NBEAL2: variants seen among roughly 807,000 people sequenced by gnomAD.
The protein encoded by NBEAL2 is neurobeachin like 2.
A neutral mutation model predicts 299.8 loss-of-function variants in NBEAL2; 160 were observed. The ratio of observed to expected loss-of-function variants is 0.53; its 90% CI spans 0.47 to 0.61. The LOEUF (loss-of-function observed/expected upper bound fraction) is 0.61. Among genes scored for constraint, NBEAL2 ranks in the 20% least tolerant of loss-of-function variants. The pLI, the probability that NBEAL2 is intolerant of heterozygous loss-of-function variation, is 0.00. For missense variants in NBEAL2, 3,112 were observed against 3,649.0 expected (o/e 0.85, Z 3.79); for synonymous variants, 1,493 against 1,542.3 (o/e 0.97, Z 0.75).
In NBEAL2 at chr3:46,988,585, C is replaced by G; in HGVS notation, c.52-84C>G. On this transcript the variant is annotated intron_variant, in intron 1 of 53. Coordinates refer to ENST00000450053, the MANE Select transcript of NBEAL2 (RefSeq NM_015175.3). The surrounding 1 kb of genome is among the most constrained non-coding windows in gnomAD (Gnocchi z 4.4). Reference sequence around the variant, plus strand: ...CCTCTGTCCACCTCCATTCATTCTTCGCCTCTGTCTACATCCCCTTGTCCC... The same window carrying G: ...CCTCTGTCCACCTCCATTCATTCTTGGCCTCTGTCTACATCCCCTTGTCCC... 1 of 1,008,478 alleles carries G rather than the reference C, an allele frequency of 9.9e-7. No individual in the cohort carries two copies. Among genetic ancestry groups the G allele is most frequent in the Non-Finnish European group, 1.4e-6 (1 of 689,862 alleles). The allele number at this position is 1,008,478 out of a possible 1,614,324, so 62.5% of individuals were successfully genotyped here.
chr3:47,002,632 A>T lies in NBEAL2; in HGVS notation c.5302-13A>T, dbSNP rs11928558. 1,593,492 of 1,608,510 alleles carry T rather than the reference A, an allele frequency of 0.99. 790,373 individuals carry two copies. Among genetic ancestry groups the T allele is most frequent in the East Asian group, 1 (44,766 of 44,766 alleles). On this transcript the variant is annotated splice_polypyrimidine_tract_variant and intron_variant, in intron 32 of 53. Transcript: ENST00000450053. ...GCAGCAGCCAGGGGACTGACCTATTACCCCCACCCCAGGAGCTGGTGCTGG... is the reference window on the plus strand; with the variant it reads ...GCAGCAGCCAGGGGACTGACCTATTTCCCCCACCCCAGGAGCTGGTGCTGG...
Position 47,005,966 on chromosome 3 carries a change from A to G in NBEAL2, c.6822A>G (p.Ala2274=). ...CTCAGGAGTCGGAGTATGTGTCTGC[A>G]CACCTACACGAGTGGATCGACCTCA... ...RQALESEYVS[A]HLHEWIDLIF... is the part of the protein sequence containing the mutation. Residue 2274 remains alanine (A), a synonymous_variant, in exon 43 of 54, where the codon GCA becomes GCG. Transcript: ENST00000450053. The G allele has an allele frequency of 5.6e-6, 9 of 1,613,700 alleles. No homozygotes were observed. Among genetic ancestry groups the G allele is most frequent in the Non-Finnish European group, 7.6e-6 (9 of 1,179,886 alleles).
chr3:47,004,504 C>T lies in NBEAL2; in HGVS notation c.6208C>T (p.Gln2070Ter). 1 of 1,613,716 alleles carries T rather than the reference C, an allele frequency of 6.2e-7. No homozygotes were observed. Among genetic ancestry groups the T allele is most frequent in the Non-Finnish European group, 8.5e-7 (1 of 1,179,770 alleles). ...RASGLTQKWV[Q>*]REISNFEYLM... ...CTGCCCCTGTCCCCAGAAATGGGTA[C>T]AGCGTGAGATATCCAACTTCGAGTA... The change falls in exon 38 of 54, where the codon CAG (glutamine) becomes TAG (stop). Residue 2070 changes from glutamine (Q) to a stop codon, truncating the protein, a stop_gained. Transcript: ENST00000450053. LOFTEE classifies it high-confidence loss of function. This position sits in a 1 kb window ranked among gnomAD's most constrained non-coding sequence, Gnocchi z 5.0.
In NBEAL2 at chr3:47,007,810, A is replaced by G; in HGVS notation, c.7508-6A>G. 6.2e-7 allele frequency: 1 copy of G among 1,612,874 alleles called. No individual in the cohort carries two copies. The highest frequency in any genetic ancestry group is 8.5e-7 in the Non-Finnish European group (1 of 1,179,478). ...GTTCTGCCTGTACCCTCCCCTTCCC[A>G]TGCAGATGTAGTAACCTGCCTTGCA... On this transcript the variant is annotated splice_region_variant and splice_polypyrimidine_tract_variant and intron_variant, in intron 48 of 53. Transcript: ENST00000450053.
rs139580100 is a variant in NBEAL2, at chr3:47,006,094, C to T, written c.6919+31C>T. On this transcript the variant is annotated intron_variant, in intron 43 of 53. Transcript: ENST00000450053. ...CAGTGCGCTGGACTCCAGTCAGGGCCAGGACAAGATCAGGTCGGGTGGATG... is the reference window on the plus strand; with the variant it reads ...CAGTGCGCTGGACTCCAGTCAGGGCTAGGACAAGATCAGGTCGGGTGGATG... The T allele has an allele frequency of 5.6e-6, 9 of 1,612,876 alleles. No individual in the cohort carries two copies. The African/African-American group carries it at 6.7e-5, about 12-fold the overall frequency.
chr3:46,989,707 T>G lies in NBEAL2; in HGVS notation c.556+114T>G. On this transcript the variant is annotated intron_variant, in intron 6 of 53. Coordinates refer to ENST00000450053, the MANE Select transcript of NBEAL2 (RefSeq NM_015175.3). This position sits in a 1 kb window ranked among gnomAD's most constrained non-coding sequence, Gnocchi z 5.5. ...ACTTGGTGGTGGCTGCATGCAGGAC[T>G]GGGAGAACCAAAGACCAAGCAAGAG... 1 of 956,802 alleles carries G rather than the reference T, an allele frequency of 1.0e-6. No homozygotes were observed. The allele number at this position is 956,802 out of a possible 1,614,324, so 59.3% of individuals were successfully genotyped here. A position where few individuals can be genotyped will look rare whatever the true frequency, so the allele number is the denominator to read the frequency against.
rs2037374792 is a variant in NBEAL2, at chr3:47,005,615, G to A, written c.6687G>A (p.Gln2229=). The A allele has an allele frequency of 1.9e-6, 3 of 1,613,680 alleles. No individual in the cohort carries two copies. The African/African-American group carries it at 4.0e-5, about 22-fold the overall frequency. ...ACTTTCCTGACTTCCTGGAGAACCA[G>A]AACGGTAGGTGTGAGGTGCTCACAC... is the stretch of plus-strand genomic sequence containing the variant. ...FFYFPDFLEN[Q]NGFDLGCLQL... Residue 2229 remains glutamine, a synonymous_variant, in exon 41 of 54, where the codon CAG becomes CAA. Transcript: ENST00000450053.
rs962364463 is a variant in NBEAL2 at position 47,003,712 on chromosome 3, A to C, written c.5721-104A>C. On this transcript the variant is annotated intron_variant, in intron 35 of 53. Coordinates refer to ENST00000450053, the MANE Select transcript of NBEAL2 (RefSeq NM_015175.3). This position sits in a 1 kb window ranked among gnomAD's most constrained non-coding sequence, Gnocchi z 7.0. Reference sequence around the variant, plus strand: ...CAGCCCCTCCCCATCTCTGGGAGTCATGAGAGTATATACCCCATGACTCAA... The same window carrying C: ...CAGCCCCTCCCCATCTCTGGGAGTCCTGAGAGTATATACCCCATGACTCAA... 2.9e-6 allele frequency: 4 copies of C among 1,392,374 alleles called. No individual in the cohort carries two copies. Among genetic ancestry groups the C allele is most frequent in the Non-Finnish European group, 2.9e-6 (3 of 1,043,696 alleles). The allele number at this position is 1,392,374 out of a possible 1,614,324, so 86.3% of individuals were successfully genotyped here. A position where few individuals can be genotyped will look rare whatever the true frequency, so the allele number is the denominator to read the frequency against.
rs1261296234 is a variant in NBEAL2 at position 46,989,772 on chromosome 3, C to T, written c.556+179C>T. Among the ~76,000 whole-genome samples the T allele has an allele frequency of 6.6e-6, 1 of 152,026 alleles. No individual in the cohort carries two copies. The highest frequency in any genetic ancestry group is 2.4e-5 in the African/African-American group (1 of 41,372). Reference sequence around the variant, plus strand: ...CAAGAGAAGACATCTTGGGCTGGAGCGAGGGCCTCCCATCAGGTGGAGGGG... The same window carrying T: ...CAAGAGAAGACATCTTGGGCTGGAGTGAGGGCCTCCCATCAGGTGGAGGGG... On this transcript the variant is annotated intron_variant, in intron 6 of 53. Coordinates refer to ENST00000450053, the MANE Select transcript of NBEAL2 (RefSeq NM_015175.3). This position sits in a 1 kb window ranked among gnomAD's most constrained non-coding sequence, Gnocchi z 5.5.
chr3:46,999,397 G>A lies in NBEAL2; in HGVS notation c.3626G>A (p.Gly1209Asp). The change falls in exon 25 of 54, where the codon GGT becomes GAT. Residue 1209 changes from glycine (G) to aspartate (D), a missense_variant. Physicochemically the swap from Gly to Asp is moderately conservative, Grantham distance 94. This residue lies in a region of NBEAL2 where 2,243 missense variants were observed against 2,538.1 expected (regional missense o/e 0.88). Transcript: ENST00000450053. ...CGGCTGCGGGAGTGTGGTCTCCAGG[G>A]TCTGGTTGCCTGCTTGCCTGAGGGG... is the stretch of plus-strand genomic sequence containing the variant. ...RLRLRECGLQ[G>D]LVACLPEGTV... The A allele has an allele frequency of 6.2e-7, 1 of 1,602,994 alleles. No homozygotes were observed. The highest frequency in any genetic ancestry group is 8.5e-7 in the Non-Finnish European group (1 of 1,175,570).
In NBEAL2 at chr3:47,003,253, C is replaced by T. The variant is rs375399942; in HGVS notation, c.5664C>T (p.Pro1888=). ...AAGAGGCCAAAGTGAGCACCCCACC[C>T]GAGTTGCTGCAGGAGGACCAGCTCG... ...VTKEAKVSTP[P]ELLQEDQLGE... The change falls in exon 35 of 54, where the codon CCC becomes CCT. Residue 1888 remains proline (P), a synonymous_variant. Coordinates refer to ENST00000450053, the MANE Select transcript of NBEAL2 (RefSeq NM_015175.3). This position sits in a 1 kb window ranked among gnomAD's most constrained non-coding sequence, Gnocchi z 7.0. The T allele has an allele frequency of 5.4e-4, 874 of 1,613,214 alleles. 8 individuals carry two copies. The highest frequency in any genetic ancestry group is 1.6e-4 in the Middle Eastern group (1 of 6,062).
chr3:47,000,999 A>G lies in NBEAL2; in HGVS notation c.4306-2A>G, dbSNP rs2036935773. The G allele has an allele frequency of 1.2e-6, 2 of 1,602,836 alleles. No homozygotes were observed. Among genetic ancestry groups the G allele is most frequent in the Non-Finnish European group, 1.7e-6 (2 of 1,174,990 alleles). On this transcript the variant is annotated splice_acceptor_variant, in intron 27 of 53. Coordinates refer to ENST00000450053, the MANE Select transcript of NBEAL2 (RefSeq NM_015175.3). LOFTEE classifies it high-confidence loss of function. This position sits in a 1 kb window ranked among gnomAD's most constrained non-coding sequence, Gnocchi z 4.5. ...GCCCACACCACCCACCTGTGCCCACAGCAAACCTCTGAGGAAGAGTTGTGC... is the reference window on the plus strand; with the variant it reads ...GCCCACACCACCCACCTGTGCCCACGGCAAACCTCTGAGGAAGAGTTGTGC...
Position 46,999,366 on chromosome 3 carries a change from C to T in NBEAL2, c.3595C>T (p.Arg1199Cys), listed in dbSNP as rs758894363. ...GCGGCTACCTGAGCGGAGCCGCCAG[C>T]GCCTCCGGCTGCGGGAGTGTGGTCT... is the stretch of plus-strand genomic sequence containing the variant. The part of the protein sequence containing the change: ...NERLPERSRQ[R>C]LRLRECGLQG... The change falls in exon 25 of 54, where the codon CGC (arginine) becomes TGC (cysteine). Residue 1199 changes from arginine to cysteine, a missense_variant. Arg to Cys is a radical substitution (Grantham distance 180). This residue lies in a region of NBEAL2 where 2,243 missense variants were observed against 2,538.1 expected (regional missense o/e 0.88). Transcript: ENST00000450053. The T allele has an allele frequency of 9.9e-6, 16 of 1,610,402 alleles. No individual in the cohort carries two copies. Among genetic ancestry groups the T allele is most frequent in the African/African-American group, 4.0e-5 (3 of 74,846 alleles).
At chr3:46,987,139 A>T (rs2035724585) in intron 1 of NBEAL2, among the ~76,000 whole-genome samples, 1 of 152,144 alleles carries the variant, frequency 6.6e-6, no homozygotes, top group South Asian at 2.1e-4. Context: ...TTTTTTGGGG[A>T]TCTGGCTCAG....
Position 47,006,451 on chromosome 3 carries a change from T to A in NBEAL2, c.7134+2T>A. 6.4e-7 allele frequency: 1 copy of A among 1,569,830 alleles called. No homozygotes were observed. The highest frequency in any genetic ancestry group is 8.6e-7 in the Non-Finnish European group (1 of 1,156,934). Reference sequence around the variant, plus strand: ...GAACTCAAGGCATTCTTCGCAGAGGTGAAAGGAAGACAAGACCTCAACTTT... The same window carrying A: ...GAACTCAAGGCATTCTTCGCAGAGGAGAAAGGAAGACAAGACCTCAACTTT... On this transcript the variant is annotated splice_donor_variant, in intron 45 of 53. Coordinates refer to ENST00000450053, the MANE Select transcript of NBEAL2 (RefSeq NM_015175.3). LOFTEE classifies it high-confidence loss of function.
intron 14 of NBEAL2, 38 bp from the exon 15 acceptor site, chr3:46,995,894 A>C: frequency 1.2e-6 from 2 of 1,613,152 alleles, no homozygotes; most frequent in Non-Finnish European, 1.7e-6. Flanking sequence ...AGGGGTGCTG[A>C]GTCCCAAGTA....
chr3:47,005,458 A>G lies in NBEAL2; in HGVS notation c.6561-31A>G, dbSNP rs780772803. The G allele has an allele frequency of 6.2e-6, 10 of 1,600,678 alleles. No individual in the cohort carries two copies. The African/African-American group carries it at 1.2e-4, about 20-fold the overall frequency. The stretch of plus-strand genomic sequence containing the variant: ...CTCCCTCCCTGTCTCCATTCTCCCC[A>G]CCTCACCTTGGCCCCGTGCCCCTCC... On this transcript the variant is annotated intron_variant, in intron 40 of 53. Transcript: ENST00000450053.
At position 46,989,910 on chromosome 3, in the gene NBEAL2, G is replaced by A. The variant is rs2035966090; in HGVS notation, c.556+317G>A. The stretch of plus-strand genomic sequence containing the variant: ...TAAAACTCTCTGGTCCAATCCCTTT[G>A]TCCCCATAGCCTCCACGCATCTCCA... On this transcript the variant is annotated intron_variant, in intron 6 of 53. Transcript: ENST00000450053. This position sits in a 1 kb window ranked among gnomAD's most constrained non-coding sequence, Gnocchi z 5.5. Among the ~76,000 whole-genome samples the A allele has an allele frequency of 1.3e-5, 2 of 152,028 alleles. No homozygotes were observed. Among genetic ancestry groups the A allele is most frequent in the South Asian group, 4.1e-4 (2 of 4,822 alleles).
At position 46,991,930 on chromosome 3, in the gene NBEAL2, T is replaced by C. The variant is rs373400778; in HGVS notation, c.1016T>C (p.Leu339Pro). 2 of 1,599,552 alleles carry C rather than the reference T, an allele frequency of 1.3e-6. No individual in the cohort carries two copies. Among genetic ancestry groups the C allele is most frequent in the Non-Finnish European group, 1.7e-6 (2 of 1,173,302 alleles). ...AATTGCTTTGAACACCTCACTCGGC[T>C]CATTCAGAACAGCAAGGTGGGTAGG... ...SNNCFEHLTRLIQNSKLYLQS... is the reference protein window; with the variant it reads ...SNNCFEHLTRPIQNSKLYLQS... The change falls in exon 9 of 54, where the codon CTC (leucine) becomes CCC (proline). Residue 339 changes from leucine to proline, a missense_variant. Physicochemically the swap from Leu to Pro is moderately conservative, Grantham distance 98. Coordinates refer to ENST00000450053, the MANE Select transcript of NBEAL2 (RefSeq NM_015175.3). This position sits in a 1 kb window ranked among gnomAD's most constrained non-coding sequence, Gnocchi z 6.2.
Sources: gnomAD v4.1 joint callset for allele counts (sites outside exome capture counted in the v4.1 genomes callset) on GRCh38, gnomAD v4.1.1 for gene constraint, gnomAD v4.1.1 regional missense constraint, Gnocchi (gnomAD v3.1) non-coding constraint, MANE v1.5 for transcripts, NCBI Gene and HGNC (gene_info 2026-07-23, HGNC 2026-07-21) for gene names.